Variants in ZNF783 observed in about 807,000 individuals in gnomAD.
ZNF783 encodes the protein zinc finger protein 783.
A neutral mutation model predicts 31.3 loss-of-function variants in ZNF783; 25 were observed. The ratio of observed to expected loss-of-function variants is 0.80; its 90% CI spans 0.58 to 1.11. The LOEUF is 1.11. ZNF783 is among the 50% of genes most tolerant of loss of function. ZNF783 has a pLI of 0.00. For synonymous variants in ZNF783, 369 were observed against 319.1 expected (o/e 1.16, Z -1.66); for missense variants, 797 against 760.0 (o/e 1.05, Z -0.57).
At position 149,262,211 on chromosome 7, in the gene ZNF783, G is replaced by A; in HGVS notation, c.-123G>A. ...CACGTGGCTCGGGACGCAGTTCGCTGCCGCCCGGCAGTAGCTCTCAGGTTA... is the reference window on the plus strand; with the variant it reads ...CACGTGGCTCGGGACGCAGTTCGCTACCGCCCGGCAGTAGCTCTCAGGTTA... On this transcript the variant is annotated 5_prime_UTR_variant, in exon 1 of 6. Coordinates refer to ENST00000434415, the MANE Select transcript of ZNF783 (RefSeq NM_001195220.2). 3 of 920,346 alleles carry A rather than the reference G, an allele frequency of 3.3e-6. No individual in the cohort carries two copies. Among genetic ancestry groups the A allele is most frequent in the Non-Finnish European group, 1.4e-6 (1 of 698,214 alleles). 57.0% of individuals were successfully genotyped at this position (920,346 alleles called of 1,614,324 possible).
chr7:149,266,701 C>A lies in ZNF783; in HGVS notation c.391C>A (p.Pro131Thr). 1 of 1,613,510 alleles carries A rather than the reference C, an allele frequency of 6.2e-7. No homozygotes were observed. The highest frequency in any genetic ancestry group is 8.5e-7 in the Non-Finnish European group (1 of 1,179,850). The change falls in exon 2 of 6, where the codon CCC becomes ACC. Residue 131 changes from proline to threonine, a missense_variant. Coordinates refer to ENST00000434415, the MANE Select transcript of ZNF783 (RefSeq NM_001195220.2). ...RNRNFWILRL[P>T]PGSKGEAPKV... Reference sequence around the variant, plus strand: ...CAGGAACTTCTGGATCTTGCGGCTGCCCCCGGGCAGCAAGGGGGAGGCCCC... The same window carrying A: ...CAGGAACTTCTGGATCTTGCGGCTGACCCCGGGCAGCAAGGGGGAGGCCCC...
At chr7:149,263,079 CTA>C (rs972496045) in intron 1 of ZNF783, among the ~76,000 whole-genome samples, 1 of 151,422 alleles carries the variant, frequency 6.6e-6, no homozygotes, top group African/African-American at 2.4e-5. Flanking sequence ...CAGGCGCCTG[CTA>C]CCACGCCTGG....
In ZNF783 at chr7:149,266,608, G is replaced by A. The variant is rs1797074748; in HGVS notation, c.298G>A (p.Gly100Arg). The A allele has an allele frequency of 6.2e-7, 1 of 1,614,056 alleles. No individual in the cohort carries two copies. The highest frequency in any genetic ancestry group is 8.5e-7 in the Non-Finnish European group (1 of 1,180,038). The change falls in exon 2 of 6, where the codon GGG becomes AGG. Residue 100 changes from glycine (G) to arginine (R), a missense_variant. Transcript: ENST00000434415. The stretch of plus-strand genomic sequence containing the variant: ...GCTGGAGGGCAAGTGGGCCGTGCTG[G>A]GGACCTTGCTGCAGGAGTACGGGCT... The part of the protein sequence containing the change: ...NQLEGKWAVL[G>R]TLLQEYGLLQ...
In ZNF783 at chr7:149,278,491, T is replaced by A; in HGVS notation, c.766T>A (p.Ser256Thr). 1.3e-6 allele frequency: 2 copies of A among 1,599,248 alleles called. No individual in the cohort carries two copies. The highest frequency in any genetic ancestry group is 1.3e-5 in the African/African-American group (1 of 74,954). The change falls in exon 5 of 6, where the codon TCA (serine) becomes ACA (threonine). Residue 256 changes from serine (S) to threonine (T), a missense_variant. Coordinates refer to ENST00000434415, the MANE Select transcript of ZNF783 (RefSeq NM_001195220.2). ...GCAGGCCCCCAAGCAGCAGCAGGAC[T>A]CAGAGGCGAGAGTGGCCCCAGCCGG... ...EGQAPKQQQD[S>T]EARVAPAGPE...
intron 3 of ZNF783, 42 bp from the exon 4 acceptor site, chr7:149,267,055 A>G: frequency 1.2e-6 from 2 of 1,607,490 alleles, no homozygotes; most frequent in Non-Finnish European, 1.7e-6. Context: ...CTCTGTGGGC[A>G]TGTGGGGTCC....
intron 5 of ZNF783, among the ~76,000 whole-genome samples, chr7:149,280,129 G>A (rs1296617536): frequency 4.7e-5 from 7 of 149,010 alleles, no homozygotes; most frequent in Admixed American, 2.7e-4. Flanking sequence ...CGGACAGGGC[G>A]GCTGGCCGGG....
Position 149,266,506 on chromosome 7 carries a change from A to G in ZNF783, c.196A>G (p.Thr66Ala). 2 of 1,613,666 alleles carry G rather than the reference A, an allele frequency of 1.2e-6. No homozygotes were observed. The highest frequency in any genetic ancestry group is 8.5e-7 in the Non-Finnish European group (1 of 1,179,982). Reference protein sequence around the residue: ...KVDSCLTRLLTLEGRTGTAEK... With the variant: ...KVDSCLTRLLALEGRTGTAEK... Reference sequence around the variant, plus strand: ...GGATTCCTGCCTGACCCGCTTGCTGACTCTGGAGGGGCGCACGGGGACAGC... The same window carrying G: ...GGATTCCTGCCTGACCCGCTTGCTGGCTCTGGAGGGGCGCACGGGGACAGC... Residue 66 changes from threonine to alanine, a missense_variant, in exon 2 of 6, where the codon ACT becomes GCT. Transcript: ENST00000434415.
chr7:149,276,013 C>G (rs1288953030), intron 4 of ZNF783, among the ~76,000 whole-genome samples: 1 of 152,206 alleles, frequency 6.6e-6, no homozygotes, highest in African/African-American at 2.4e-5. Context: ...CCTCAGCCCC[C>G]TGAGTAGCTG....
rs1796940613 is a variant in ZNF783, at chr7:149,262,231, A to C, written c.-103A>C. 1 of 1,087,236 alleles carries C rather than the reference A, an allele frequency of 9.2e-7. No individual in the cohort carries two copies. Among genetic ancestry groups the C allele is most frequent in the African/African-American group, 1.7e-5 (1 of 59,618 alleles). The allele number at this position is 1,087,236 out of a possible 1,614,324, so 67.3% of individuals were successfully genotyped here. A position where few individuals can be genotyped will look rare whatever the true frequency, so the allele number is the denominator to read the frequency against. Reference sequence around the variant, plus strand: ...TCGCTGCCGCCCGGCAGTAGCTCTCAGGTTAGGCGGGTCCCGCTCCGCTTC... The same window carrying C: ...TCGCTGCCGCCCGGCAGTAGCTCTCCGGTTAGGCGGGTCCCGCTCCGCTTC... On this transcript the variant is annotated 5_prime_UTR_variant, in exon 1 of 6. Transcript: ENST00000434415.
chr7:149,280,077 G>A (rs1372526021), intron 5 of ZNF783, among the ~76,000 whole-genome samples: 10 of 99,290 alleles, frequency 1.0e-4, no homozygotes, highest in African/African-American at 3.0e-4. Context: ...TCCCGGACGG[G>A]GCGGCTGGCC....
In ZNF783 at chr7:149,282,983, T is replaced by TTTTTTTTTTTTTG. The variant is rs1797519303; in HGVS notation, c.*644_*645insTTTTTTTTGTTTT. 1 of 136,940 alleles carries TTTTTTTTTTTTTG rather than the reference T, an allele frequency of 7.3e-6. No individual in the cohort carries two copies. The highest frequency in any genetic ancestry group is 7.5e-5 in the Admixed American group (1 of 13,408). 8.5% of individuals were successfully genotyped at this position (136,940 alleles called of 1,614,324 possible). ...TTTTTTTTTTGTTGTTGTTGTTGTT[T>TTTTTTTTTTTTTG]TTTTAAGATGGAGTTTCACTCTTGT... On this transcript the variant is annotated 3_prime_UTR_variant, in exon 6 of 6. Coordinates refer to ENST00000434415, the MANE Select transcript of ZNF783 (RefSeq NM_001195220.2).
chr7:149,269,367 G>T (rs919543024), intron 4 of ZNF783, among the ~76,000 whole-genome samples: 6 of 152,186 alleles, frequency 3.9e-5, no homozygotes, highest in African/African-American at 1.4e-4. Context: ...CATTCTGTAG[G>T]TTGTCAGCTT....
intron 1 of ZNF783, among the ~76,000 whole-genome samples, chr7:149,265,466 CT>C (rs771695924): frequency 6.6e-6 from 1 of 152,212 alleles, no homozygotes; most frequent in South Asian, 2.1e-4. Context: ...CGGCAGGGCT[CT>C]TTTCCTGGTT....
chr7:149,275,265 G>A (rs962056002), intron 4 of ZNF783, among the ~76,000 whole-genome samples: 57 of 150,518 alleles, frequency 3.8e-4, no homozygotes, highest in African/African-American at 1.3e-3. Flanking sequence ...CGACTTTGCT[G>A]AATTTATCAG....
At chr7:149,271,472 A>G (rs1174691885) in intron 4 of ZNF783, among the ~76,000 whole-genome samples, 3 of 152,234 alleles carry the variant, frequency 2.0e-5, no homozygotes, top group Non-Finnish European at 4.4e-5. Context: ...CATTCTATGC[A>G]GGACTTATGG....
chr7:149,274,258 TAGG>T (rs755829371), intron 4 of ZNF783, among the ~76,000 whole-genome samples: 7 of 152,206 alleles, frequency 4.6e-5, no homozygotes, highest in East Asian at 1.9e-4. Flanking sequence ...TGATGAGAGA[TAGG>T]AGTTTAGTTT....
At chr7:149,274,503 C>T (rs1797282238) in intron 4 of ZNF783, among the ~76,000 whole-genome samples, 1 of 152,080 alleles carries the variant, frequency 6.6e-6, no homozygotes, top group Non-Finnish European at 1.5e-5. Flanking sequence ...GTAGCTGGGA[C>T]TACAGGCGCC....
chr7:149,263,174 G>T (rs1358427151), intron 1 of ZNF783, among the ~76,000 whole-genome samples: 2 of 151,806 alleles, frequency 1.3e-5, no homozygotes, highest in Admixed American at 1.3e-4. Flanking sequence ...TGATCTGCCC[G>T]CCCCGGCCTC....
intron 4 of ZNF783, among the ~76,000 whole-genome samples, 178 bp downstream of exon 4, chr7:149,267,400 C>T (rs1247261957): frequency 1.3e-5 from 2 of 152,204 alleles, no homozygotes; most frequent in Non-Finnish European, 2.9e-5. Context: ...TGGCTTGAGC[C>T]ATAGGGTTTC....
Sources: gnomAD v4.1 joint callset for allele counts (sites outside exome capture counted in the v4.1 genomes callset) on GRCh38, gnomAD v4.1.1 for gene constraint, MANE v1.5 for transcripts, NCBI Gene and HGNC (gene_info 2026-07-23, HGNC 2026-07-21) for gene names.